Variants in SLC24A3 observed in about 807,000 individuals in gnomAD.
The protein encoded by SLC24A3 is solute carrier family 24 member 3.
In SLC24A3, 28 loss-of-function variants were observed where a neutral mutation model predicts 75.8. The ratio of observed to expected loss-of-function variants is 0.37; its 90% confidence interval spans 0.27 to 0.51. The LOEUF (loss-of-function observed/expected upper bound fraction) is 0.51, where lower values mean the gene tolerates loss of function less well. Ranked by LOEUF, SLC24A3 falls within the 20% of genes least tolerant of loss-of-function variation. The pLI is 0.94. For synonymous variants in SLC24A3, 372 were observed against 334.1 expected (o/e 1.11, Z -1.24); for missense variants, 663 against 847.8 (o/e 0.78, Z 2.71).
At chr20:19,589,164 A>G (rs1191906959) in intron 6 of SLC24A3, among the ~76,000 whole-genome samples, 1 of 152,246 alleles carries the variant, frequency 6.6e-6, no homozygotes. Flanking sequence ...GATCCCAGGA[A>G]GTGCTTGTGG....
At chr20:19,459,596 A>G (rs1196807912) in intron 2 of SLC24A3, among the ~76,000 whole-genome samples, 1 of 152,242 alleles carries the variant, frequency 6.6e-6, no homozygotes, top group Non-Finnish European at 1.5e-5. Context: ...CCTTCATACT[A>G]TGGAACCTTA....
At chr20:19,331,353 A>G (rs1984994774) in intron 2 of SLC24A3, among the ~76,000 whole-genome samples, 1 of 152,148 alleles carries the variant, frequency 6.6e-6, no homozygotes, top group Non-Finnish European at 1.5e-5. Flanking sequence ...AGATAGATGG[A>G]TGGATGAGTG....
intron 3 of SLC24A3, among the ~76,000 whole-genome samples, chr20:19,523,060 C>G (rs1326341666): frequency 6.6e-6 from 1 of 152,082 alleles, no homozygotes. Context: ...GCCAAAAGAC[C>G]GTTAAAACTG....
intron 4 of SLC24A3, among the ~76,000 whole-genome samples, chr20:19,583,678 T>A (rs1395932326): frequency 6.6e-6 from 1 of 152,152 alleles, no homozygotes; most frequent in Admixed American, 6.5e-5. Flanking sequence ...CAGCAACACA[T>A]GGCTCCCGCC....
intron 2 of SLC24A3, among the ~76,000 whole-genome samples, chr20:19,366,423 T>C (rs1225540774): frequency 1.3e-5 from 2 of 152,232 alleles, no homozygotes; most frequent in African/African-American, 4.8e-5. Context: ...AAAGGAGGCC[T>C]CTGAAGAGTT....
At chr20:19,717,982 T>C (rs1221311116) in intron 16 of SLC24A3, among the ~76,000 whole-genome samples, 1 of 152,230 alleles carries the variant, frequency 6.6e-6, no homozygotes, top group Non-Finnish European at 1.5e-5. Context: ...TTATTGACAG[T>C]ACATTTTGAG....
rs2032644010 is a variant in SLC24A3, at chr20:19,684,045, A to G, written c.902-131A>G. 3 of 990,912 alleles carry G rather than the reference A, an allele frequency of 3.0e-6. No individual in the cohort carries two copies. The African/African-American group carries it at 4.8e-5, about 16-fold the overall frequency. 61.4% of individuals were successfully genotyped at this position (990,912 alleles called of 1,614,324 possible). On this transcript the variant is annotated intron_variant, in intron 10 of 16. Transcript: ENST00000328041. Reference sequence around the variant, plus strand: ...TAAGGAAAGAAGAGTGGATGAGTGGATAGATGGATGGGTGAATGGATGGGA... The same window carrying G: ...TAAGGAAAGAAGAGTGGATGAGTGGGTAGATGGATGGGTGAATGGATGGGA...
rs758504922 is a variant in SLC24A3 at position 19,717,492 on chromosome 20, G to C, written c.1720-36G>C. 33 of 1,611,264 alleles carry C rather than the reference G, an allele frequency of 2.0e-5. 1 individual carries two copies. Among genetic ancestry groups the C allele is most frequent in the South Asian group, 1.2e-4 (11 of 90,908 alleles). ...AGCCTAACTCTGCTTTGGAAGCCTA[G>C]CTTGTCAGAAGCCTAACTCTAACCC... On this transcript the variant is annotated intron_variant, in intron 15 of 16. Coordinates refer to ENST00000328041, the MANE Select transcript of SLC24A3 (RefSeq NM_020689.4).
intron 2 of SLC24A3, among the ~76,000 whole-genome samples, chr20:19,514,387 C>T (rs2029941906): frequency 6.6e-6 from 1 of 152,216 alleles, no homozygotes; most frequent in African/African-American, 2.4e-5. Context: ...AGACAGGTGG[C>T]AAGCAGGTAT....
At chr20:19,554,106 G>A (rs754327568) in intron 3 of SLC24A3, among the ~76,000 whole-genome samples, 8 of 152,178 alleles carry the variant, frequency 5.3e-5, no homozygotes, top group Non-Finnish European at 1.2e-4. Context: ...TGGCCAGCAG[G>A]CATGGATGGC....
intron 3 of SLC24A3, among the ~76,000 whole-genome samples, chr20:19,533,724 A>G (rs1331364111): frequency 6.6e-6 from 1 of 152,168 alleles, no homozygotes; most frequent in Non-Finnish European, 1.5e-5. Flanking sequence ...GTGCCTAAGG[A>G]GTTTAGATTT....
intron 2 of SLC24A3, among the ~76,000 whole-genome samples, chr20:19,363,807 G>GA (rs1399242528): frequency 6.6e-6 from 1 of 152,140 alleles, no homozygotes; most frequent in Admixed American, 6.5e-5. Context: ...CGTATGCCAG[G>GA]AAAAATAGTT....
intron 2 of SLC24A3, among the ~76,000 whole-genome samples, chr20:19,290,916 C>A (rs1271801219): frequency 2.0e-5 from 3 of 152,230 alleles, no homozygotes; most frequent in Non-Finnish European, 4.4e-5. Flanking sequence ...TTCACTCTAT[C>A]TTGGAGACCA....
chr20:19,563,916 G>A (rs1372899778), intron 3 of SLC24A3, among the ~76,000 whole-genome samples: 2 of 152,256 alleles, frequency 1.3e-5, no homozygotes, highest in Non-Finnish European at 2.9e-5. Context: ...GAACCTTTAG[G>A]CAAGAAGTAG....
intron 1 of SLC24A3, among the ~76,000 whole-genome samples, chr20:19,236,671 A>G (rs1229840529): frequency 1.3e-5 from 2 of 152,174 alleles, no homozygotes; most frequent in Non-Finnish European, 2.9e-5. Context: ...AGGCAGCATC[A>G]TTTGAGCCCA....
intron 2 of SLC24A3, among the ~76,000 whole-genome samples, chr20:19,396,067 TATG>T (rs1489275667): frequency 6.6e-6 from 1 of 152,198 alleles, no homozygotes; most frequent in Non-Finnish European, 1.5e-5. Context: ...GTAGAATTTG[TATG>T]ATAACCCTTG....
chr20:19,425,049 A>T (rs140295960), intron 2 of SLC24A3, among the ~76,000 whole-genome samples: 53 of 152,282 alleles, frequency 3.5e-4, no homozygotes, highest in African/African-American at 1.2e-3. Context: ...TTACACCTGT[A>T]ATCCCAGCAC....
At chr20:19,214,405 G>T (rs1981496987) in intron 1 of SLC24A3, among the ~76,000 whole-genome samples, 1 of 152,074 alleles carries the variant, frequency 6.6e-6, no homozygotes, top group African/African-American at 2.4e-5. Context: ...TCACTAAGGG[G>T]GTTTTCCCGA....
chr20:19,354,914 C>A (rs1310094028), intron 2 of SLC24A3, among the ~76,000 whole-genome samples: 1 of 152,106 alleles, frequency 6.6e-6, no homozygotes, highest in African/African-American at 2.4e-5. Flanking sequence ...TAAGTCACTT[C>A]TCCTCCTTTG....
Sources: gnomAD v4.1 joint callset for allele counts (sites outside exome capture counted in the v4.1 genomes callset) on GRCh38, gnomAD v4.1.1 for gene constraint, MANE v1.5 for transcripts, NCBI Gene and HGNC (gene_info 2026-07-23, HGNC 2026-07-21) for gene names.